Variants in VSTM5 observed in about 807,000 individuals in gnomAD.
The protein encoded by VSTM5 is V-set and transmembrane domain-containing protein 5.
In VSTM5, 21 loss-of-function variants were observed where a neutral mutation model predicts 20.3. The observed-to-expected ratio is 1.03, with a 90% CI of 0.73 to 1.49. The LOEUF (loss-of-function observed/expected upper bound fraction) is 1.49. VSTM5 is among the 40% of genes most tolerant of loss of function. The probability of loss-of-function intolerance (pLI) is 0.00; values close to 1 mark genes in which losing one functional copy is unlikely to be tolerated. For missense variants in VSTM5, 219 were observed against 250.0 expected (o/e 0.88, Z 0.84); for synonymous variants, 100 against 102.5 (o/e 0.98, Z 0.14).
chr11:93,847,503 AGT>A, intron 1 of VSTM5, among the ~76,000 whole-genome samples: 1 of 152,238 alleles, frequency 6.6e-6, no homozygotes, highest in African/African-American at 2.4e-5. Flanking sequence ...GACTGGCCCC[AGT>A]GTGTATATGT....
intron 1 of VSTM5, among the ~76,000 whole-genome samples, chr11:93,846,800 C>T (rs1442812746): frequency 7.1e-6 from 1 of 140,126 alleles, no homozygotes; most frequent in Non-Finnish European, 1.5e-5. Flanking sequence ...TGGAGTCTCA[C>T]TCTGTCACCA....
intron 1 of VSTM5, among the ~76,000 whole-genome samples, chr11:93,841,699 G>C (rs1944371599): frequency 6.6e-6 from 1 of 152,226 alleles, no homozygotes; most frequent in South Asian, 2.1e-4. Flanking sequence ...CAGGGTCCCA[G>C]GAGGCCAGGC....
chr11:93,832,083 A>G (rs1052777821), intron 1 of VSTM5, among the ~76,000 whole-genome samples: 1 of 152,228 alleles, frequency 6.6e-6, no homozygotes, highest in Non-Finnish European at 1.5e-5. Context: ...ACATAGATGC[A>G]GAGATATATG....
In VSTM5 at chr11:93,820,472, A is replaced by G. The variant is rs1180251497; in HGVS notation, c.*97T>C. 6.6e-6 allele frequency: 9 copies of G among 1,367,246 alleles called. No homozygotes were observed. The East Asian group carries it at 1.7e-4, about 27-fold the overall frequency. 84.7% of individuals were successfully genotyped at this position (1,367,246 alleles called of 1,614,324 possible). ...ACTGTCCTGTTAGGAGCGGGCTGCA[A>G]CAGGACCACACACAATGGGTATAAT... On this transcript the variant is annotated 3_prime_UTR_variant, in exon 4 of 4. Transcript: ENST00000409977.
intron 1 of VSTM5, among the ~76,000 whole-genome samples, chr11:93,839,501 G>T (rs1027764012): frequency 1.1e-4 from 17 of 152,370 alleles, no homozygotes; most frequent in African/African-American, 4.1e-4. Context: ...CAGGCATAAA[G>T]TGGGAATAGC....
chr11:93,829,389 G>A (rs1456380840), intron 1 of VSTM5, among the ~76,000 whole-genome samples: 3 of 152,166 alleles, frequency 2.0e-5, no homozygotes, highest in African/African-American at 7.2e-5. Context: ...TTAGCCAGGC[G>A]TGGTGGCTGG....
At chr11:93,831,476 G>A (rs1321421015) in intron 1 of VSTM5, among the ~76,000 whole-genome samples, 1 of 152,164 alleles carries the variant, frequency 6.6e-6, no homozygotes, top group East Asian at 1.9e-4. Flanking sequence ...AGTGCTGATA[G>A]CTGCCCTGGG....
chr11:93,843,784 C>T (rs1372139157), intron 1 of VSTM5, among the ~76,000 whole-genome samples: 2 of 152,188 alleles, frequency 1.3e-5, no homozygotes, highest in African/African-American at 2.4e-5. Context: ...TGACAGACCT[C>T]AGTAATCTGG....
chr11:93,846,870 G>A (rs1266111881), intron 1 of VSTM5, among the ~76,000 whole-genome samples: 6 of 150,688 alleles, frequency 4.0e-5, no homozygotes, highest in African/African-American at 1.2e-4. Flanking sequence ...GGGTTCAAGC[G>A]ATTCTCCTGC....
intron 1 of VSTM5, among the ~76,000 whole-genome samples, chr11:93,830,608 G>A (rs1944274529): frequency 1.3e-5 from 2 of 152,224 alleles, no homozygotes. Flanking sequence ...TTGCCAACCA[G>A]GAGAGAGCAG....
chr11:93,827,155 G>A (rs891622470), intron 1 of VSTM5, among the ~76,000 whole-genome samples: 11 of 152,054 alleles, frequency 7.2e-5, no homozygotes, highest in Admixed American at 2.0e-4. Context: ...AGGCCGAAGC[G>A]AGTGGATCAC....
intron 1 of VSTM5, among the ~76,000 whole-genome samples, chr11:93,844,711 A>G (rs1444342526): frequency 6.6e-6 from 1 of 152,148 alleles, no homozygotes; most frequent in Non-Finnish European, 1.5e-5. Flanking sequence ...GTTGCCATCA[A>G]GGCCTCTTCT....
chr11:93,850,363 C>G (rs113556447), intron 1 of VSTM5, 49 bp downstream of exon 1: 25 of 1,514,374 alleles, frequency 1.7e-5, no homozygotes, highest in Admixed American at 4.0e-5. Flanking sequence ...CCCGTGCCCC[C>G]CTACCCATTC....
intron 1 of VSTM5, among the ~76,000 whole-genome samples, chr11:93,849,143 T>C (rs1565305924): frequency 6.7e-6 from 1 of 150,322 alleles, no homozygotes; most frequent in South Asian, 2.1e-4. Context: ...CTCTCTCTCT[T>C]CTTTTCTTTT....
At chr11:93,844,625 A>G (rs982609147) in intron 1 of VSTM5, among the ~76,000 whole-genome samples, 1 of 152,142 alleles carries the variant, frequency 6.6e-6, no homozygotes, top group African/African-American at 2.4e-5. Flanking sequence ...CTGGCCCACA[A>G]AGAGAAGGTG....
At chr11:93,843,814 C>T (rs1362260620) in intron 1 of VSTM5, among the ~76,000 whole-genome samples, 1 of 152,148 alleles carries the variant, frequency 6.6e-6, no homozygotes, top group Non-Finnish European at 1.5e-5. Flanking sequence ...TCTTTTCCAT[C>T]TACATCTCCT....
intron 1 of VSTM5, among the ~76,000 whole-genome samples, chr11:93,839,463 T>C (rs1014734860): frequency 3.9e-5 from 6 of 152,228 alleles, no homozygotes; most frequent in Non-Finnish European, 8.8e-5. Flanking sequence ...CCTTAGAAGT[T>C]ATTTGGCCTC....
intron 1 of VSTM5, 115 bp from the exon 2 acceptor site, chr11:93,821,438 G>A: frequency 9.8e-7 from 1 of 1,019,390 alleles, no homozygotes; most frequent in East Asian, 2.6e-5. Context: ...TTATATGCCA[G>A]GAACTGTTCT....
intron 1 of VSTM5, among the ~76,000 whole-genome samples, chr11:93,841,694 T>G (rs756019975): frequency 2.6e-5 from 4 of 152,200 alleles, no homozygotes; most frequent in Non-Finnish European, 5.9e-5. Flanking sequence ...GCCCTCAGGG[T>G]CCCAGGAGGC....
Sources: allele counts gnomAD v4.1 joint callset (sites outside exome capture counted in the v4.1 genomes callset), GRCh38; gene constraint gnomAD v4.1.1; transcripts MANE v1.5; gene names NCBI Gene and HGNC (gene_info 2026-07-23, HGNC 2026-07-21).